GCNT2: variants seen among roughly 807,000 people sequenced by gnomAD.
GCNT2 encodes the protein glucosaminyl (N-acetyl) transferase 2 (I blood group), also known as N-acetyllactosaminide beta-1,6-N-acetylglucosaminyl-transferase.
A neutral mutation model predicts 34.2 loss-of-function variants in GCNT2; 34 were observed. The observed-to-expected ratio is 1.00, with a 90% CI of 0.76 to 1.32. The LOEUF (loss-of-function observed/expected upper bound fraction) is 1.32, where lower values mean the gene tolerates loss of function less well. GCNT2 is among the 40% of genes most tolerant of loss of function. The pLI, the probability that GCNT2 is intolerant of heterozygous loss-of-function variation, is 0.00. For missense variants in GCNT2, 584 were observed against 489.4 expected (o/e 1.19, Z -1.82); for synonymous variants, 212 against 188.0 (o/e 1.13, Z -1.04).
intron 3 of GCNT2, among the ~76,000 whole-genome samples, chr6:10,582,905 C>T (rs150903355): frequency 6.6e-6 from 1 of 152,166 alleles, no homozygotes; most frequent in East Asian, 1.9e-4. Flanking sequence ...TTAGTCTTGA[C>T]AACCATTTGA....
At chr6:10,537,712 A>G (rs1761831734) in intron 3 of GCNT2, among the ~76,000 whole-genome samples, 1 of 57,658 alleles carries the variant, frequency 1.7e-5, no homozygotes, top group African/African-American at 4.2e-5. Context: ...AAAAAAAAAA[A>G]AAAAAAAAAA....
chr6:10,601,817 T>G (rs1394768715), intron 3 of GCNT2, among the ~76,000 whole-genome samples: 1 of 151,748 alleles, frequency 6.6e-6, no homozygotes, highest in East Asian at 1.9e-4. Flanking sequence ...GGCGGGTGCC[T>G]GTAGTCCCAG....
At chr6:10,613,672 A>G (rs1399024717) in intron 3 of GCNT2, among the ~76,000 whole-genome samples, 1 of 152,236 alleles carries the variant, frequency 6.6e-6, no homozygotes, top group Non-Finnish European at 1.5e-5. Flanking sequence ...AGTGCATCGC[A>G]TGTAATAAGC....
chr6:10,556,816 A>G (rs1762731767), intron 3 of GCNT2: 1 of 1,614,052 alleles, frequency 6.2e-7, no homozygotes, highest in African/African-American at 1.3e-5. Context: ...AAAAAGCAAC[A>G]ACTGAATTTA....
At chr6:10,597,868 A>T (rs1412629059) in intron 3 of GCNT2, among the ~76,000 whole-genome samples, 1 of 152,268 alleles carries the variant, frequency 6.6e-6, no homozygotes, top group Non-Finnish European at 1.5e-5. Context: ...ACAGTAGAAT[A>T]CTAAGCAAAT....
In GCNT2 at chr6:10,528,632, C is replaced by CA. The variant is rs1360854605; in HGVS notation, c.-279dup. 6.1e-6 allele frequency: 3 copies of CA among 489,988 alleles called. No homozygotes were observed. The highest frequency in any genetic ancestry group is 7.4e-6 in the Non-Finnish European group (2 of 269,252). The allele number at this position is 489,988 out of a possible 1,614,324, so 30.4% of individuals were successfully genotyped here. The stretch of plus-strand genomic sequence containing the variant: ...CTGAGGACATCTGTTTTTGTGTAGA[C>CA]ACAGGTTGCAGGTTAGCAGGAGAAC... On this transcript the variant is annotated splice_region_variant and 5_prime_UTR_variant, in exon 3 of 5. Transcript: ENST00000495262.
chr6:10,556,290 C>T, intron 3 of GCNT2: 1 of 1,517,200 alleles, frequency 6.6e-7, no homozygotes, highest in Admixed American at 2.1e-5. Flanking sequence ...GAAACGGAAT[C>T]GATTCCCAGC....
chr6:10,606,452 G>A (rs1323975669), intron 3 of GCNT2, among the ~76,000 whole-genome samples: 2 of 152,050 alleles, frequency 1.3e-5, no homozygotes, highest in African/African-American at 4.8e-5. Context: ...ATAGCAGTGA[G>A]ACAGACACAT....
intron 3 of GCNT2, among the ~76,000 whole-genome samples, chr6:10,561,647 A>G (rs2113685813): frequency 6.6e-6 from 1 of 152,326 alleles, no homozygotes; most frequent in East Asian, 1.9e-4. Flanking sequence ...TCTAAGGAAC[A>G]GAGCTACCCC....
At position 10,569,844 on chromosome 6, in the gene GCNT2, CCTTTCTCTTT is replaced by C. The variant is rs201314311; in HGVS notation, c.925+40025_925+40034del. Among the ~76,000 whole-genome samples the C allele has an allele frequency of 2.6e-3, 388 of 150,322 alleles. 2 individuals are homozygous for C. The highest frequency in any genetic ancestry group is 9.0e-3 in the African/African-American group (367 of 40,560). The stretch of plus-strand genomic sequence containing the variant: ...GGATTTCTTCCTTCCTTCCTTCCTT[CCTTTCTCTTT>C]CTTTCTCTTTCTTTCTTTCTTTCTC... On this transcript the variant is annotated intron_variant, in intron 3 of 4. Coordinates refer to ENST00000495262, the MANE Select transcript of GCNT2 (RefSeq NM_145649.5).
At chr6:10,562,656 G>GGA (rs1220808656) in intron 3 of GCNT2, among the ~76,000 whole-genome samples, 4 of 77,528 alleles carry the variant, frequency 5.2e-5, no homozygotes, top group African/African-American at 1.7e-4. Context: ...GAACTTCTCT[G>GGA]AAAAAAAAAA....
chr6:10,582,623 T>TA lies in GCNT2; in HGVS notation c.926-38728_926-38727insA, dbSNP rs201306221. On this transcript the variant is annotated intron_variant, in intron 3 of 4. Coordinates refer to ENST00000495262, the MANE Select transcript of GCNT2 (RefSeq NM_145649.5). ...TTATATATTTATATAAATATATATA[T>TA]TTTTTTTCCCATGGGCTAAAGGGGA... Among the ~76,000 whole-genome samples, 915 of 140,204 alleles carry TA rather than the reference T, an allele frequency of 6.5e-3. 12 individuals are homozygous for TA. Among genetic ancestry groups the TA allele is most frequent in the African/African-American group, 0.022 (820 of 37,898 alleles). 92.0% of individuals were successfully genotyped at this position (140,204 alleles called of 152,430 possible).
chr6:10,526,128 T>C (rs1376494021), intron 1 of GCNT2, among the ~76,000 whole-genome samples: 3 of 152,222 alleles, frequency 2.0e-5, no homozygotes, highest in Non-Finnish European at 2.9e-5. Context: ...AAAAGATTGA[T>C]TTTGTATGCG....
Position 10,626,896 on chromosome 6 carries a change from C to T in GCNT2, c.*289C>T, listed in dbSNP as rs985400468. On this transcript the variant is annotated 3_prime_UTR_variant, in exon 5 of 5. Transcript: ENST00000495262. ...AGGATCAATGATAAATTTAAATGAC[C>T]TCAGATCTTTGCACCAGATACTCAT... is the stretch of plus-strand genomic sequence containing the variant. The T allele has an allele frequency of 1.2e-5, 5 of 403,316 alleles. No homozygotes were observed. The highest frequency in any genetic ancestry group is 2.3e-5 in the Non-Finnish European group (5 of 217,544). The allele number at this position is 403,316 out of a possible 1,614,324, so 25.0% of individuals were successfully genotyped here.
chr6:10,537,714 AAAAAAAAAAAAAC>A (rs1561784243), intron 3 of GCNT2, among the ~76,000 whole-genome samples: 20 of 99,420 alleles, frequency 2.0e-4, no homozygotes, highest in East Asian at 3.8e-4. Flanking sequence ...AAAAAAAAAA[AAAAAAAAAAAAAC>A]AAAACAAAGA....
At chr6:10,586,192 CT>C (rs1309324881) in intron 3 of GCNT2, 2 of 1,614,074 alleles carry the variant, frequency 1.2e-6, no homozygotes, top group Non-Finnish European at 1.7e-6. Flanking sequence ...TTACCATCAC[CT>C]TTGCGAAGTG....
chr6:10,576,574 GA>G (rs1420219481), intron 3 of GCNT2, among the ~76,000 whole-genome samples: 2 of 152,120 alleles, frequency 1.3e-5, no homozygotes, highest in African/African-American at 4.8e-5. Context: ...TCCAGAGGAA[GA>G]AGCATTTGAG....
At chr6:10,569,679 A>G (rs1763451422) in intron 3 of GCNT2, among the ~76,000 whole-genome samples, 1 of 152,182 alleles carries the variant, frequency 6.6e-6, no homozygotes, top group Non-Finnish European at 1.5e-5. Context: ...AACCACCATC[A>G]TAGTGGACCA....
intron 3 of GCNT2, among the ~76,000 whole-genome samples, chr6:10,603,723 CA>C (rs1469246443): frequency 6.6e-6 from 1 of 151,634 alleles, no homozygotes; most frequent in Non-Finnish European, 1.5e-5. Context: ...CCATGTTGGC[CA>C]GGCTGGTCTT....
Sources: gnomAD v4.1 joint callset for allele counts (sites outside exome capture counted in the v4.1 genomes callset) on GRCh38, gnomAD v4.1.1 for gene constraint, MANE v1.5 for transcripts, NCBI Gene and HGNC (gene_info 2026-07-23, HGNC 2026-07-21) for gene names.